Variants in HS6ST1 observed in about 807,000 individuals in gnomAD.
HS6ST1 encodes the protein heparan sulfate 6-O-sulfotransferase 1.
HS6ST1 carries 3 observed loss-of-function variants against 25.2 expected under a neutral mutation model. The observed-to-expected ratio is 0.12, with a 90% confidence interval of 0.05 to 0.31. The LOEUF (loss-of-function observed/expected upper bound fraction) is 0.31, where lower values mean the gene tolerates loss of function less well. HS6ST1 is among the 10% of genes least tolerant of loss of function. The pLI is 1.00. For missense variants in HS6ST1, 310 were observed against 609.6 expected (o/e 0.51, Z 5.18); for synonymous variants, 204 against 275.1 (o/e 0.74, Z 2.56).
intron 1 of HS6ST1, among the ~76,000 whole-genome samples, chr2:128,302,160 A>G (rs1161412795): frequency 6.6e-6 from 1 of 152,166 alleles, no homozygotes; most frequent in East Asian, 1.9e-4. Context: ...CTGTGCTCCA[A>G]GCTGGCGCTG....
chr2:128,298,134 T>C (rs1003916459), intron 1 of HS6ST1, among the ~76,000 whole-genome samples: 1 of 142,190 alleles, frequency 7.0e-6, no homozygotes, highest in Non-Finnish European at 1.6e-5. Context: ...CCACTTCACA[T>C]CCATCAGACT....
intron 1 of HS6ST1, among the ~76,000 whole-genome samples, chr2:128,271,577 G>A (rs1693610158): frequency 6.6e-6 from 1 of 152,206 alleles, no homozygotes; most frequent in Non-Finnish European, 1.5e-5. Context: ...CGGGGAGCTC[G>A]TGGCCAGGCT....
intron 1 of HS6ST1, chr2:128,289,975 C>T (rs1183901873): frequency 6.6e-6 from 1 of 152,192 alleles, no homozygotes; most frequent in Non-Finnish European, 1.5e-5. Context: ...GAGGAAATGC[C>T]TGCAGCTTAC....
intron 1 of HS6ST1, among the ~76,000 whole-genome samples, chr2:128,287,267 G>A (rs1437514063): frequency 2.0e-5 from 3 of 152,182 alleles, no homozygotes; most frequent in Admixed American, 2.0e-4. Context: ...GCACCTCAGT[G>A]GATATATCCA....
chr2:128,268,913 A>T, intron 1 of HS6ST1, 43 bp from the exon 2 acceptor site: 1 of 1,532,388 alleles, frequency 6.5e-7, no homozygotes, highest in Non-Finnish European at 8.9e-7. Context: ...GTGACGCAGC[A>T]TGAGGGGGGC....
intron 1 of HS6ST1, among the ~76,000 whole-genome samples, chr2:128,285,296 G>T (rs1387930576): frequency 6.6e-6 from 1 of 152,190 alleles, no homozygotes; most frequent in East Asian, 1.9e-4. Context: ...GAGGAGGGGA[G>T]AATAAGGCAG....
Position 128,268,283 on chromosome 2 carries a change from A to G in HS6ST1, c.1115T>C (p.Leu372Pro). The stretch of plus-strand genomic sequence containing the variant: ...CAGCAGACGCTCCTCGCGGCTCCTC[A>G]GGCGCTGCTCCCTGCGCTCCAGCTG... ...KRQLERREQR[L>P]RSREERLLHR... Residue 372 changes from leucine (L) to proline (P), a missense_variant, in exon 2 of 2, where the codon CTG becomes CCG. Physicochemically the swap from Leu to Pro is moderately conservative, Grantham distance 98 (BLOSUM62 -3). Around this residue, in one of 5 missense-constraint regions of HS6ST1, gnomAD observed 140 missense variants for 176.5 expected, o/e 0.79. Coordinates refer to ENST00000259241, the MANE Select transcript of HS6ST1 (RefSeq NM_004807.3). 1 of 1,612,572 alleles carries G rather than the reference A, an allele frequency of 6.2e-7. No homozygotes were observed. Among genetic ancestry groups the G allele is most frequent in the South Asian group, 1.1e-5 (1 of 91,046 alleles).
chr2:128,301,823 G>A (rs1337454986), intron 1 of HS6ST1, among the ~76,000 whole-genome samples: 1 of 152,158 alleles, frequency 6.6e-6, no homozygotes, highest in Non-Finnish European at 1.5e-5. Flanking sequence ...CGGCACTCAT[G>A]GACATCGGGC....
chr2:128,290,346 T>C (rs747815618), intron 1 of HS6ST1: 14 of 152,108 alleles, frequency 9.2e-5, no homozygotes, highest in Non-Finnish European at 1.8e-4. Context: ...ATTCATTCTA[T>C]GAGGCCAACA....
intron 1 of HS6ST1, among the ~76,000 whole-genome samples, chr2:128,273,304 C>T (rs941051736): frequency 6.6e-6 from 1 of 152,216 alleles, no homozygotes; most frequent in Non-Finnish European, 1.5e-5. Context: ...GCCCTGGGTC[C>T]CCTTGTTCTG....
At chr2:128,271,431 G>A (rs777135791) in intron 1 of HS6ST1, among the ~76,000 whole-genome samples, 6 of 152,326 alleles carry the variant, frequency 3.9e-5, no homozygotes, top group East Asian at 1.9e-4. Context: ...TGGAGGGTCC[G>A]GGTCACCTGC....
chr2:128,276,859 C>A (rs1693703621), intron 1 of HS6ST1, among the ~76,000 whole-genome samples: 1 of 152,080 alleles, frequency 6.6e-6, no homozygotes, highest in East Asian at 1.9e-4. Context: ...TTCCTCTCCC[C>A]TCTCCTCCCC....
intron 1 of HS6ST1, among the ~76,000 whole-genome samples, chr2:128,306,993 C>G (rs1694221652): frequency 6.6e-6 from 1 of 151,756 alleles, no homozygotes; most frequent in Non-Finnish European, 1.5e-5. Flanking sequence ...AGGCTTCCCT[C>G]TGGGAAACGC....
intron 1 of HS6ST1, among the ~76,000 whole-genome samples, chr2:128,299,469 G>A (rs1255853462): frequency 6.6e-6 from 1 of 152,206 alleles, no homozygotes; most frequent in Non-Finnish European, 1.5e-5. Flanking sequence ...TGGATGGCAG[G>A]TCATGCCCTA....
chr2:128,269,025 G>A (rs574310918), intron 1 of HS6ST1, among the ~76,000 whole-genome samples, 155 bp from the exon 2 acceptor site: 22 of 152,318 alleles, frequency 1.4e-4, no homozygotes, highest in Non-Finnish European at 2.4e-4. Context: ...TTCAAAACCC[G>A]GTATCAGAGA....
At chr2:128,270,033 C>T (rs986470448) in intron 1 of HS6ST1, among the ~76,000 whole-genome samples, 1 of 152,204 alleles carries the variant, frequency 6.6e-6, no homozygotes, top group African/African-American at 2.4e-5. Flanking sequence ...TGCGGTGCCA[C>T]TGCAGGCCAC....
At chr2:128,294,212 C>A (rs1435755010) in intron 1 of HS6ST1, among the ~76,000 whole-genome samples, 1 of 152,240 alleles carries the variant, frequency 6.6e-6, no homozygotes, top group Non-Finnish European at 1.5e-5. Context: ...GTCATACACG[C>A]CCTGTGCCCG....
intron 1 of HS6ST1, among the ~76,000 whole-genome samples, chr2:128,285,227 C>T (rs1181492037): frequency 6.6e-6 from 1 of 152,202 alleles, no homozygotes; most frequent in African/African-American, 2.4e-5. Context: ...TTGTAGCCTC[C>T]CAGCCAGGGG....
At chr2:128,284,577 T>C (rs1034650292) in intron 1 of HS6ST1, among the ~76,000 whole-genome samples, 4 of 151,034 alleles carry the variant, frequency 2.6e-5, no homozygotes, top group African/African-American at 9.8e-5. Context: ...TCTTGGTCAC[T>C]GCAACCTTTG....
Sources: allele counts gnomAD v4.1 joint callset (sites outside exome capture counted in the v4.1 genomes callset), GRCh38; gene constraint gnomAD v4.1.1; regional missense constraint gnomAD v4.1.1; transcripts MANE v1.5; gene names NCBI Gene and HGNC (gene_info 2026-07-23, HGNC 2026-07-21).